The following DOCK5 variants were observed in gnomAD, a reference collection of about 807,000 sequenced individuals.
The protein encoded by DOCK5 is dedicator of cytokinesis protein 5.
Under a neutral mutation model 251.8 loss-of-function variants are expected in DOCK5, and 142 were observed. The ratio of observed to expected loss-of-function variants is 0.56; its 90% CI spans 0.49 to 0.65. DOCK5 has a LOEUF of 0.65. Ranked by LOEUF, DOCK5 falls within the 30% of genes least tolerant of loss-of-function variation. DOCK5 has a pLI of 0.00. For synonymous variants in DOCK5, 842 were observed against 835.5 expected, an observed-to-expected ratio of 1.01 and a Z score of -0.13; for missense variants, 2,111 against 2,312.3, an observed-to-expected ratio of 0.91 and a Z score of 1.79.
chr8:25,407,912 T>C, intron 48 of DOCK5, 71 bp from the exon 49 acceptor site: 1 of 1,473,150 alleles, frequency 6.8e-7, no homozygotes, highest in Non-Finnish European at 9.1e-7. Flanking sequence ...TAACTGCTGG[T>C]ACTTTCATAG....
At chr8:25,345,224 A>G (rs1800336258) in intron 25 of DOCK5, among the ~76,000 whole-genome samples, 1 of 151,654 alleles carries the variant, frequency 6.6e-6, no homozygotes, top group Non-Finnish European at 1.5e-5. Context: ...ACATTTTGCT[A>G]AGTTCCCACC....
chr8:25,372,746 G>A (rs1800896327), intron 35 of DOCK5, 28 bp downstream of exon 35: 2 of 1,597,874 alleles, frequency 1.3e-6, no homozygotes, highest in Non-Finnish European at 1.7e-6. Context: ...GGTGTGATGG[G>A]AGGGTACTGT....
At chr8:25,372,085 G>A (rs1247761231) in intron 34 of DOCK5, among the ~76,000 whole-genome samples, 1 of 152,202 alleles carries the variant, frequency 6.6e-6, no homozygotes, top group Non-Finnish European at 1.5e-5. Flanking sequence ...TCTAGGCTGG[G>A]CATCCATACG....
At chr8:25,307,685 A>C (rs1485761931) in intron 11 of DOCK5, among the ~76,000 whole-genome samples, 1 of 152,146 alleles carries the variant, frequency 6.6e-6, no homozygotes, top group East Asian at 1.9e-4. Flanking sequence ...TTCCTCCAGC[A>C]ACCATATCAC....
At chr8:25,282,810 A>G (rs1269454860) in intron 5 of DOCK5, among the ~76,000 whole-genome samples, 2 of 124,760 alleles carry the variant, frequency 1.6e-5, no homozygotes, top group African/African-American at 6.0e-5. Context: ...TGATTATACC[A>G]CTGCATTCCA....
At position 25,319,692 on chromosome 8, in the gene DOCK5, T is replaced by C; in HGVS notation, c.1542+16T>C. On this transcript the variant is annotated intron_variant, in intron 15 of 51. Transcript: ENST00000276440. ...GACTGTCAAGGTGAGAATGAGTCAT[T>C]TGTAACCCCTGTTATCTGTTAAACC... The C allele has an allele frequency of 6.6e-7, 1 of 1,526,710 alleles. No individual in the cohort carries two copies. The highest frequency in any genetic ancestry group is 8.9e-7 in the Non-Finnish European group (1 of 1,120,166). 94.6% of individuals were successfully genotyped at this position (1,526,710 alleles called of 1,614,324 possible).
At chr8:25,338,687 C>T (rs964752898) in intron 22 of DOCK5, among the ~76,000 whole-genome samples, 1 of 152,104 alleles carries the variant, frequency 6.6e-6, no homozygotes, top group African/African-American at 2.4e-5. Flanking sequence ...TGGTACATTT[C>T]CATGTATTCA....
At chr8:25,328,397 G>A (rs1450871671) in intron 18 of DOCK5, among the ~76,000 whole-genome samples, 4 of 152,142 alleles carry the variant, frequency 2.6e-5, no homozygotes, top group South Asian at 2.1e-4. Context: ...AAGGCATCAC[G>A]AGCATCAGGG....
intron 6 of DOCK5, among the ~76,000 whole-genome samples, chr8:25,295,876 G>T (rs1230473897): frequency 6.6e-6 from 1 of 152,140 alleles, no homozygotes; most frequent in Admixed American, 6.5e-5. Context: ...CTAGAGTGCA[G>T]TGGTGCAATC....
intron 41 of DOCK5, among the ~76,000 whole-genome samples, chr8:25,389,638 A>C (rs192486905): frequency 1.5e-3 from 236 of 152,292 alleles, no homozygotes; most frequent in Non-Finnish European, 3.0e-3. Context: ...CTGCTTTTGA[A>C]GCCTAACTTT....
rs183853837 is a variant in DOCK5, at chr8:25,396,177, C to T, written c.4704+458C>T. On this transcript the variant is annotated intron_variant, in intron 45 of 51. Transcript: ENST00000276440. ...GGTGGATCACTTGAGGTCAGGAGCGCGAGACCATCTTGGCCAACATGGTGA... is the reference window on the plus strand; with the variant it reads ...GGTGGATCACTTGAGGTCAGGAGCGTGAGACCATCTTGGCCAACATGGTGA... 1.3e-4 allele frequency among the ~76,000 whole-genome samples: 20 copies of T among 152,196 alleles called. No individual in the cohort carries two copies. In the East Asian group the frequency reaches 3.5e-3, roughly 27 times the overall value.
chr8:25,218,266 G>A (rs776045530), intron 1 of DOCK5, among the ~76,000 whole-genome samples: 2 of 152,268 alleles, frequency 1.3e-5, no homozygotes, highest in East Asian at 3.9e-4. Flanking sequence ...TCCTGCCTCC[G>A]TGGACAGGAA....
chr8:25,309,969 A>C (rs948375969), intron 12 of DOCK5, among the ~76,000 whole-genome samples: 1 of 152,200 alleles, frequency 6.6e-6, no homozygotes, highest in Non-Finnish European at 1.5e-5. Flanking sequence ...TGGGAAATTA[A>C]ATTTTCTTAA....
intron 1 of DOCK5, among the ~76,000 whole-genome samples, chr8:25,203,908 C>T (rs2117466276): frequency 6.6e-6 from 1 of 152,270 alleles, no homozygotes; most frequent in East Asian, 1.9e-4. Context: ...CTCAGTGATC[C>T]TGCCTTCCTA....
In DOCK5 at chr8:25,184,916, G is replaced by T; in HGVS notation, c.8G>T (p.Arg3Leu). The change falls in exon 1 of 52, where the codon CGC becomes CTC. Residue 3 changes from arginine to leucine, a missense_variant. Arg to Leu is a moderately radical substitution (Grantham distance 102). Around this residue, in one of 3 missense-constraint regions of DOCK5, gnomAD observed 335 missense variants for 324.9 expected, o/e 1.03. Coordinates refer to ENST00000276440, the MANE Select transcript of DOCK5 (RefSeq NM_024940.8). ...CGGGGCGAGGTCGCCGCCATGGCCC[G>T]CTGGATCCCGACCAAGAGGCAGAAG... MA[R>L]WIPTKRQKYG... The T allele has an allele frequency of 2.1e-6, 3 of 1,438,146 alleles. No homozygotes were observed. The highest frequency in any genetic ancestry group is 2.8e-6 in the Non-Finnish European group (3 of 1,085,870). The allele number at this position is 1,438,146 out of a possible 1,614,324, so 89.1% of individuals were successfully genotyped here.
intron 30 of DOCK5, 80 bp downstream of exon 30, chr8:25,364,784 T>C: frequency 9.5e-7 from 1 of 1,049,584 alleles, no homozygotes. Context: ...AAATGTCTCC[T>C]CAGATTTCAC....
At chr8:25,187,244 T>TAC (rs140693933) in intron 1 of DOCK5, among the ~76,000 whole-genome samples, 86 of 136,336 alleles carry the variant, frequency 6.3e-4, no homozygotes, top group African/African-American at 1.2e-3. Context: ...TATATATATA[T>TAC]ACACACACAC....
intron 1 of DOCK5, among the ~76,000 whole-genome samples, chr8:25,192,930 C>G (rs1801622662): frequency 6.6e-6 from 1 of 152,096 alleles, no homozygotes; most frequent in African/African-American, 2.4e-5. Flanking sequence ...AGAAAAGAAA[C>G]AATTGTAAAA....
intron 21 of DOCK5, among the ~76,000 whole-genome samples, chr8:25,334,757 AC>A (rs1586338409): frequency 6.6e-6 from 1 of 152,020 alleles, no homozygotes; most frequent in African/African-American, 2.4e-5. Context: ...AAATGACTCA[AC>A]CCAGGATCTC....
Sources: allele counts gnomAD v4.1 joint callset (sites outside exome capture counted in the v4.1 genomes callset), GRCh38; gene constraint gnomAD v4.1.1; regional missense constraint gnomAD v4.1.1; transcripts MANE v1.5; gene names NCBI Gene and HGNC (gene_info 2026-07-23, HGNC 2026-07-21).